The following CTBP2 variants were observed in gnomAD, a reference collection of about 807,000 sequenced individuals.
CTBP2 encodes the protein C-terminal-binding protein 2.
In CTBP2, 30 loss-of-function variants were observed where a neutral mutation model predicts 80.3. That is an observed-to-expected ratio of 0.37 (90% CI 0.28 to 0.51). The LOEUF is 0.51. Ranked by LOEUF, CTBP2 falls within the 20% of genes least tolerant of loss-of-function variation. The probability of loss-of-function intolerance (pLI) is 0.93; values close to 1 mark genes in which losing one functional copy is unlikely to be tolerated. For synonymous variants in CTBP2, 594 were observed against 587.4 expected, an observed-to-expected ratio of 1.01 and a Z score of -0.16; for missense variants, 1,212 against 1,375.3, an observed-to-expected ratio of 0.88 and a Z score of 1.88.
intron 1 of CTBP2, among the ~76,000 whole-genome samples, chr10:125,157,275 C>T (rs1861088057): frequency 6.6e-6 from 1 of 151,928 alleles, no homozygotes; most frequent in Non-Finnish European, 1.5e-5. Flanking sequence ...GGAGAACACC[C>T]ATTCAAGGGT....
At chr10:125,162,187 T>C (rs532211119), upstream of CTBP2, among the ~76,000 whole-genome samples, 1 of 152,330 alleles carries the variant, frequency 6.6e-6, no homozygotes, top group Non-Finnish European at 1.5e-5. Context: ...TGGATTGAGA[T>C]GTCGAGCAGG....
rs202167377 is a variant in CTBP2 at position 125,003,425 on chromosome 10, G to T, written c.1746C>A (p.Arg582=). ...GGATGGGCATCTCCACAGTGCAGTC[G>T]CGGCCGTCCAGCAGCGCCACCAGGG... The change falls in exon 2 of 9, where the codon CGC becomes CGA. Residue 582 remains arginine, a synonymous_variant. Transcript: ENST00000309035. 6.3e-7 allele frequency: 1 copy of T among 1,590,336 alleles called. No homozygotes were observed. The highest frequency in any genetic ancestry group is 1.4e-5 in the African/African-American group (1 of 73,450).
intron 1 of CTBP2, among the ~76,000 whole-genome samples, chr10:125,136,455 C>T (rs1856987561): frequency 1.3e-5 from 2 of 152,184 alleles, no homozygotes; most frequent in Admixed American, 1.3e-4. Context: ...AGAAAAGCAT[C>T]GGCCACACTG....
chr10:125,035,242 C>G (rs1247579418), intron 3 of CTBP2, among the ~76,000 whole-genome samples: 1 of 152,158 alleles, frequency 6.6e-6, no homozygotes, highest in African/African-American at 2.4e-5. Flanking sequence ...CTCCTTTTTC[C>G]TCATATCCAC....
At chr10:125,037,121 A>G (rs1958986111) in intron 3 of CTBP2, among the ~76,000 whole-genome samples, 1 of 152,254 alleles carries the variant, frequency 6.6e-6, no homozygotes, top group Admixed American at 6.5e-5. Flanking sequence ...AAGGTAATGC[A>G]AACTTCTGTT....
chr10:125,136,912 G>C (rs1047324789), intron 1 of CTBP2, among the ~76,000 whole-genome samples: 2 of 152,174 alleles, frequency 1.3e-5, no homozygotes, highest in African/African-American at 4.8e-5. Context: ...TGAAAGAGCC[G>C]GGAGCGATTT....
intron 3 of CTBP2, among the ~76,000 whole-genome samples, chr10:125,033,404 A>G (rs565201174): frequency 7.9e-5 from 12 of 152,332 alleles, no homozygotes; most frequent in African/African-American, 2.9e-4. Flanking sequence ...CCTGAGCTTT[A>G]GTAGCAAGCG....
chr10:125,084,586 C>T lies in CTBP2; in HGVS notation c.-102+26404G>A, dbSNP rs191041620. 4.8e-3 allele frequency among the ~76,000 whole-genome samples: 729 copies of T among 152,254 alleles called. 6 individuals are homozygous for T. The highest frequency in any genetic ancestry group is 0.024 in the Middle Eastern group (7 of 294). ...ACCTCCCCAGCCCTGAGGTTCACACCACCTCAGTCTCAGGGGTCCGGGGGT... is the reference window on the plus strand; with the variant it reads ...ACCTCCCCAGCCCTGAGGTTCACACTACCTCAGTCTCAGGGGTCCGGGGGT... On this transcript the variant is annotated intron_variant, in intron 2 of 10. Transcript: ENST00000337195.
chr10:125,147,087 A>C (rs1858916256), intron 1 of CTBP2, among the ~76,000 whole-genome samples: 1 of 152,126 alleles, frequency 6.6e-6, no homozygotes, highest in Admixed American at 6.5e-5. Context: ...CGGCAAACGC[A>C]CCCATTCCTC....
chr10:124,997,929 A>C (rs898987178), intron 4 of CTBP2, 35 bp downstream of exon 6: 5 of 1,584,054 alleles, frequency 3.2e-6, no homozygotes, highest in Non-Finnish European at 4.3e-6. Context: ...CCAGTGTCGG[A>C]GGGGTTGGGG....
At chr10:125,118,699 C>G (rs1231098894) in intron 1 of CTBP2, among the ~76,000 whole-genome samples, 1 of 95,306 alleles carries the variant, frequency 1.0e-5, no homozygotes, top group African/African-American at 4.4e-5. Context: ...TTGAAAGAGA[C>G]CAGTGCAGTG....
At chr10:125,086,458 T>C (rs1847982329) in intron 2 of CTBP2, among the ~76,000 whole-genome samples, 1 of 151,464 alleles carries the variant, frequency 6.6e-6, no homozygotes, top group Non-Finnish European at 1.5e-5. Context: ...CAGGAGAAAA[T>C]ACAAAAATTT....
intron 2 of CTBP2, among the ~76,000 whole-genome samples, chr10:125,091,627 G>T (rs938369345): frequency 6.6e-6 from 1 of 152,184 alleles, no homozygotes; most frequent in Non-Finnish European, 1.5e-5. Context: ...CAAAAAATTA[G>T]CTGGGCATCG....
chr10:125,027,439 T>C lies in CTBP2; in HGVS notation c.321A>G (p.Pro107=). ...CAGACGGATCACTGTAGTACTCCCG[T>C]GGCAGCAGGGGGCTGCGACCAGACA... The change falls in exon 1 of 9, where the codon CCA becomes CCG. Residue 107 remains proline (P), a synonymous_variant. Transcript: ENST00000309035. 6.2e-7 allele frequency: 1 copy of C among 1,614,088 alleles called. No individual in the cohort carries two copies. The highest frequency in any genetic ancestry group is 1.1e-5 in the South Asian group (1 of 91,078).
intron 1 of CTBP2, among the ~76,000 whole-genome samples, chr10:125,114,694 T>A (rs1426386629): frequency 6.6e-6 from 1 of 152,138 alleles, no homozygotes. Context: ...GAAACTCTGG[T>A]GTGGCTCCTT....
At chr10:125,054,998 T>G (rs1273735318) in intron 2 of CTBP2, among the ~76,000 whole-genome samples, 1 of 152,146 alleles carries the variant, frequency 6.6e-6, no homozygotes, top group East Asian at 1.9e-4. Flanking sequence ...TGCACAGAGT[T>G]AACTCAGGCA....
At chr10:125,020,816 C>A (rs1004119436) in intron 1 of CTBP2, among the ~76,000 whole-genome samples, 4 of 152,206 alleles carry the variant, frequency 2.6e-5, no homozygotes, top group Admixed American at 1.3e-4. Context: ...GGTCAGATCA[C>A]CCACCCACCA....
In CTBP2 at chr10:124,987,970, A is replaced by G. The variant is rs1952106777; in HGVS notation, c.*1548T>C. ...TCATTTTGTTTGTTAGGTTATTGGC[A>G]AAACAGTTTCAAGGTTCACTTCCCT... On this transcript the variant is annotated 3_prime_UTR_variant, in exon 9 of 9. Coordinates refer to ENST00000309035, the MANE Select transcript of CTBP2 (RefSeq NM_022802.3). 1 of 152,562 alleles carries G rather than the reference A, an allele frequency of 6.6e-6. No individual in the cohort carries two copies. Among genetic ancestry groups the G allele is most frequent in the South Asian group, 2.1e-4 (1 of 4,830 alleles). 9.5% of individuals were successfully genotyped at this position (152,562 alleles called of 1,614,324 possible). A position where few individuals can be genotyped will look rare whatever the true frequency, so the allele number is the denominator to read the frequency against.
chr10:125,107,159 A>C (rs1851587669), intron 2 of CTBP2, among the ~76,000 whole-genome samples: 1 of 152,116 alleles, frequency 6.6e-6, no homozygotes, highest in Non-Finnish European at 1.5e-5. Flanking sequence ...CTCCTCCCCT[A>C]CTCCGAAGGC....
Sources: allele counts gnomAD v4.1 joint callset (sites outside exome capture counted in the v4.1 genomes callset), GRCh38; gene constraint gnomAD v4.1.1; transcripts MANE v1.5; gene names NCBI Gene and HGNC (gene_info 2026-07-23, HGNC 2026-07-21).